The following TXLNB variants were observed in gnomAD, a reference collection of about 807,000 sequenced individuals.
The protein encoded by TXLNB is taxilin beta.
Under a neutral mutation model 57.4 loss-of-function variants are expected in TXLNB, and 37 were observed. The observed-to-expected ratio is 0.64, with a 90% CI of 0.50 to 0.85. The LOEUF (loss-of-function observed/expected upper bound fraction) is 0.85, where lower values mean the gene tolerates loss of function less well. TXLNB is among the 40% of genes least tolerant of loss of function. The probability of loss-of-function intolerance (pLI) is 0.00; values close to 1 mark genes in which losing one functional copy is unlikely to be tolerated. For synonymous variants in TXLNB, 302 were observed against 309.6 expected (o/e 0.98, Z 0.26); for missense variants, 848 against 825.6 (o/e 1.03, Z -0.33).
intron 2 of TXLNB, 138 bp from the exon 3 acceptor site, chr6:139,277,059 C>G: frequency 1.6e-6 from 1 of 628,836 alleles, no homozygotes; most frequent in Non-Finnish European, 2.7e-6. Flanking sequence ...AATTTTCTTT[C>G]CTATAGAAAT....
At chr6:139,311,341 A>G in the TXLNB span, among the ~76,000 whole-genome samples, 47 of 152,268 alleles carry the variant, frequency 3.1e-4, no homozygotes, top group Admixed American at 2.2e-3. Flanking sequence ...TTTTGCATAA[A>G]ACCTCTTGAA....
At chr6:139,294,464 C>A (rs1203887600), upstream of TXLNB, among the ~76,000 whole-genome samples, 6 of 151,988 alleles carry the variant, frequency 3.9e-5, no homozygotes, top group African/African-American at 7.3e-5. Context: ...ATCATAAACC[C>A]CCAGGTGATG....
chr6:139,250,490 C>T (rs1776176686), intron 7 of TXLNB, among the ~76,000 whole-genome samples: 3 of 151,826 alleles, frequency 2.0e-5, no homozygotes, highest in Non-Finnish European at 4.4e-5. Context: ...GGACTGGCTA[C>T]CTATCCTGTA....
chr6:139,220,972 A>G, the TXLNB span, among the ~76,000 whole-genome samples: 1 of 152,216 alleles, frequency 6.6e-6, no homozygotes, highest in Non-Finnish European at 1.5e-5. Flanking sequence ...TAAGGGTAGA[A>G]TCAGTTGTTG....
the TXLNB span, among the ~76,000 whole-genome samples, chr6:139,212,941 T>C: frequency 1.2e-4 from 19 of 152,300 alleles, no homozygotes; most frequent in African/African-American, 4.3e-4. Context: ...ATCCTAAATA[T>C]ATATGCACCC....
chr6:139,260,413 T>C lies in TXLNB; in HGVS notation c.907A>G (p.Arg303Gly). The C allele has an allele frequency of 6.2e-7, 1 of 1,614,150 alleles. No homozygotes were observed. Among genetic ancestry groups the C allele is most frequent in the Non-Finnish European group, 8.5e-7 (1 of 1,180,022 alleles). Residue 303 changes from arginine (R) to glycine (G), a missense_variant, in exon 6 of 10, where the codon AGA (arginine) becomes GGA (glycine). Physicochemically the swap from Arg to Gly is moderately radical, Grantham distance 125. Coordinates refer to ENST00000358430, the MANE Select transcript of TXLNB (RefSeq NM_153235.4). The stretch of plus-strand genomic sequence containing the variant: ...TCCACCAGCTTCTGCTGCAGTTCTC[T>C]GTGTTTAAATATTTTGTCCAGATGC... Reference protein sequence around the residue: ...EEHLDKIFKHRELQQKLVDAK... With the variant: ...EEHLDKIFKHGELQQKLVDAK...
chr6:139,173,402 G>A, the TXLNB span, among the ~76,000 whole-genome samples: 12 of 152,128 alleles, frequency 7.9e-5, no homozygotes, highest in African/African-American at 1.7e-4. Context: ...AAATGCAAAC[G>A]AAGGGCTCCC....
At chr6:139,232,358 T>G in the TXLNB span, among the ~76,000 whole-genome samples, 5 of 152,074 alleles carry the variant, frequency 3.3e-5, no homozygotes, top group Non-Finnish European at 5.9e-5. Flanking sequence ...CCCTCAACAC[T>G]GGGGATTATG....
intron 2 of TXLNB, among the ~76,000 whole-genome samples, chr6:139,278,489 T>C (rs1162286320): frequency 6.6e-6 from 1 of 152,232 alleles, no homozygotes; most frequent in Non-Finnish European, 1.5e-5. Flanking sequence ...GCCAGGCATG[T>C]GCTTTGGGTT....
the TXLNB span, among the ~76,000 whole-genome samples, chr6:139,209,761 A>T: frequency 1.1e-4 from 16 of 152,340 alleles, no homozygotes; most frequent in East Asian, 2.7e-3. Flanking sequence ...AACCATAAAA[A>T]TTCTAGAAGA....
chr6:139,196,364 G>GTTTTTTTTTTTTTTTTTTTT, the TXLNB span, among the ~76,000 whole-genome samples: 48 of 86,770 alleles, frequency 5.5e-4, 22 homozygotes, highest in African/African-American at 5.9e-4. Context: ...CTCCAGATCT[G>GTTTTTTTTTTTTTTTTTTTT]GTTTTTTTTT....
At position 139,242,779 on chromosome 6, in the gene TXLNB, T is replaced by A. The variant is rs1364484213; in HGVS notation, c.1802A>T (p.Gln601Leu). 4 of 1,614,134 alleles carry A rather than the reference T, an allele frequency of 2.5e-6. 1 individual carries two copies. The South Asian group carries it at 4.4e-5, about 18-fold the overall frequency. The change falls in exon 10 of 10, where the codon CAG (glutamine) becomes CTG (leucine). Residue 601 changes from glutamine (Q) to leucine (L), a missense_variant. By Grantham distance (113) the Gln-to-Leu change is moderately radical. Coordinates refer to ENST00000358430, the MANE Select transcript of TXLNB (RefSeq NM_153235.4). ...TTCTGCCTCTGGCTTCCAGGACGCC[T>A]GATCAGCCTGTGCTCCAACAGGGAG... is the stretch of plus-strand genomic sequence containing the variant. ...EGLPVGAQAD[Q>L]ASWKPEAEAS...
chr6:139,200,566 G>A, the TXLNB span, among the ~76,000 whole-genome samples: 1 of 152,190 alleles, frequency 6.6e-6, no homozygotes, highest in African/African-American at 2.4e-5. Context: ...CGGGAGATGA[G>A]TCAGGAGGTA....
chr6:139,243,086 C>T lies in TXLNB; in HGVS notation c.1495G>A (p.Ala499Thr). The T allele has an allele frequency of 2.5e-6, 4 of 1,614,126 alleles. No individual in the cohort carries two copies. The highest frequency in any genetic ancestry group is 2.2e-5 in the South Asian group (2 of 91,076). The change falls in exon 10 of 10, where the codon GCC becomes ACC. Residue 499 changes from alanine (A) to threonine (T), a missense_variant. Coordinates refer to ENST00000358430, the MANE Select transcript of TXLNB (RefSeq NM_153235.4). ...DAEEVNSVQT[A>T]VKNLATAFMI... ...AAGGCTGTGGCCAGATTTTTCACGGCGGTTTGGACACTATTAACCTCCTCT... is the reference window on the plus strand; with the variant it reads ...AAGGCTGTGGCCAGATTTTTCACGGTGGTTTGGACACTATTAACCTCCTCT...
the TXLNB span, among the ~76,000 whole-genome samples, chr6:139,209,119 A>G: frequency 6.6e-6 from 1 of 152,230 alleles, no homozygotes; most frequent in Admixed American, 6.5e-5. Flanking sequence ...AATGTACACA[A>G]ATCACTAATC....
At chr6:139,167,423 G>GT in the TXLNB span, 5 of 1,045,486 alleles carry the variant, frequency 4.8e-6, no homozygotes, top group Non-Finnish European at 6.9e-6. Flanking sequence ...CACCAGTGTT[G>GT]TTTTTTTGTT....
At chr6:139,302,707 C>T in the TXLNB span, among the ~76,000 whole-genome samples, 1,404 of 151,562 alleles carry the variant, frequency 9.3e-3, 18 homozygotes, top group African/African-American at 0.032. Flanking sequence ...CACTTGAACC[C>T]GGGAAGGAGG....
Position 139,288,577 on chromosome 6 carries a change from T to C in TXLNB, c.323A>G (p.Glu108Gly). 1.2e-6 allele frequency: 2 copies of C among 1,614,214 alleles called. No individual in the cohort carries two copies. Among genetic ancestry groups the C allele is most frequent in the Non-Finnish European group, 8.5e-7 (1 of 1,180,030 alleles). The change falls in exon 2 of 10, where the codon GAG (glutamate) becomes GGG (glycine). Residue 108 changes from glutamate (E) to glycine (G), a missense_variant. By Grantham distance (98) the Glu-to-Gly change is moderately conservative. Transcript: ENST00000358430. ...AGAAGCAACGGGTTCTCTTCCAGCC[T>C]CTTCAGTTGTTTCCTCACAGTCCCC... Reference protein sequence around the residue: ...EDGDCEETTEEAGREPVASGE... With the variant: ...EDGDCEETTEGAGREPVASGE...
chr6:139,247,741 G>T, intron 8 of TXLNB, 76 bp downstream of exon 8: 1 of 1,068,234 alleles, frequency 9.4e-7, no homozygotes, highest in Non-Finnish European at 1.4e-6. Flanking sequence ...CTTAGTGAGA[G>T]AAAAAGGAAA....
Sources: allele counts gnomAD v4.1 joint callset (sites outside exome capture counted in the v4.1 genomes callset), GRCh38; gene constraint gnomAD v4.1.1; transcripts MANE v1.5; gene names NCBI Gene and HGNC (gene_info 2026-07-23, HGNC 2026-07-21).